Variants in FRYL observed in about 807,000 individuals in gnomAD.
FRYL encodes protein furry homolog-like.
Under a neutral mutation model 351.2 loss-of-function variants are expected in FRYL, and 150 were observed. The observed-to-expected ratio is 0.43, with a 90% CI of 0.37 to 0.49. The LOEUF is 0.49. Ranked by LOEUF, FRYL falls within the 20% of genes least tolerant of loss-of-function variation. The pLI is 0.00. For synonymous variants in FRYL, 1,153 were observed against 1,257.1 expected (o/e 0.92, Z 1.75); for missense variants, 3,036 against 3,619.3 (o/e 0.84, Z 4.13).
chr4:48,563,883 CA>C (rs2149069024), intron 31 of FRYL, 64 bp downstream of exon 31: 1 of 1,541,220 alleles, frequency 6.5e-7, no homozygotes, highest in Non-Finnish European at 8.8e-7. Context: ...TTTTTGAATT[CA>C]AAAGAAAAAC....
chr4:48,580,557 A>G (rs1416072805), intron 22 of FRYL: 2 of 313,298 alleles, frequency 6.4e-6, no homozygotes, highest in South Asian at 1.4e-4. Context: ...CACGAATATT[A>G]TATGCCATAA....
Position 48,514,367 on chromosome 4 carries a change from GAATT to G in FRYL, c.7937+657_7937+660del, listed in dbSNP as rs138720764. 5.0e-3 allele frequency among the ~76,000 whole-genome samples: 753 copies of G among 152,104 alleles called. 3 individuals are homozygous for G. Among genetic ancestry groups the G allele is most frequent in the African/African-American group, 0.017 (721 of 41,502 alleles). ...TTCTATTATAATTCTAAGTGTTAAA[GAATT>G]ATTTGGTTTAAGAGTTTCGTAACAG... On this transcript the variant is annotated intron_variant, in intron 56 of 63. Transcript: ENST00000358350.
chr4:48,712,769 C>CG (rs1768248901), intron 1 of FRYL, among the ~76,000 whole-genome samples: 1 of 152,050 alleles, frequency 6.6e-6, no homozygotes, highest in Non-Finnish European at 1.5e-5. Context: ...CTCCAAGACA[C>CG]ATAATTGTCA....
chr4:48,671,858 C>CAAAACAAAAAAAAAAAAA (rs1762753377), intron 3 of FRYL, among the ~76,000 whole-genome samples: 1 of 22,398 alleles, frequency 4.5e-5, no homozygotes, highest in African/African-American at 1.3e-4. Flanking sequence ...GTCTCAAAAA[C>CAAAACAAAAAAAAAAAAA]AAAAAAAAAA....
chr4:48,703,170 G>T (rs1766953080), intron 2 of FRYL, among the ~76,000 whole-genome samples: 2 of 152,164 alleles, frequency 1.3e-5, no homozygotes, highest in South Asian at 4.1e-4. Context: ...GAAGTGATAT[G>T]AACAGACTGT....
chr4:48,526,365 A>T (rs576765148), intron 53 of FRYL, among the ~76,000 whole-genome samples: 7 of 152,230 alleles, frequency 4.6e-5, no homozygotes, highest in African/African-American at 1.4e-4. Context: ...AACTGAGCTC[A>T]GCTACAGAAA....
chr4:48,681,049 G>C, intron 3 of FRYL: 6 of 1,285,954 alleles, frequency 4.7e-6, no homozygotes, highest in Non-Finnish European at 6.1e-6. Context: ...TAATCTTGGG[G>C]AACTTTCCTC....
chr4:48,651,213 C>CGTGTGTGTGTGTGTGT (rs10604700), intron 3 of FRYL, among the ~76,000 whole-genome samples: 10 of 104,962 alleles, frequency 9.5e-5, no homozygotes, highest in African/African-American at 3.8e-4. Context: ...CCACATGCAC[C>CGTGTGTGTGTGTGTGT]GTGTGTGTGT....
At chr4:48,769,706 T>C (rs1190780004) in intron 1 of FRYL, among the ~76,000 whole-genome samples, 4 of 152,222 alleles carry the variant, frequency 2.6e-5, no homozygotes, top group Admixed American at 1.3e-4. Flanking sequence ...AGTTAAACTA[T>C]GTACTCTGCT....
intron 1 of FRYL, among the ~76,000 whole-genome samples, chr4:48,716,141 C>T (rs1578815273): frequency 6.6e-6 from 1 of 152,228 alleles, no homozygotes; most frequent in South Asian, 2.1e-4. Context: ...GGATTAAAGA[C>T]TTAAACGTTA....
intron 2 of FRYL, among the ~76,000 whole-genome samples, chr4:48,695,350 T>C (rs1355636190): frequency 6.6e-6 from 1 of 152,192 alleles, no homozygotes; most frequent in Non-Finnish European, 1.5e-5. Flanking sequence ...ACTGATAATG[T>C]GCAAACTACG....
At position 48,531,163 on chromosome 4, in the gene FRYL, A is replaced by G; in HGVS notation, c.6896T>C (p.Ile2299Thr). 5 of 1,579,704 alleles carry G rather than the reference A, an allele frequency of 3.2e-6. No individual in the cohort carries two copies. The highest frequency in any genetic ancestry group is 4.3e-6 in the Non-Finnish European group (5 of 1,149,890). Residue 2299 changes from isoleucine (I) to threonine (T), a missense_variant, in exon 50 of 64, where the codon ATA becomes ACA. Around this residue, in one of 7 missense-constraint regions of FRYL, gnomAD observed 1,987 missense variants for 2,311.7 expected, o/e 0.86. Coordinates refer to ENST00000358350, the MANE Select transcript of FRYL (RefSeq NM_015030.2). ...PGKTLDFHFD[I>T]SETPIIGNKY... ...AATTTCTGAGCATCTTACCTCAGAT[A>G]TATCAAAATGAAAATCTAAGGTCTT...
At chr4:48,583,156 C>CTT (rs879326339) in intron 19 of FRYL, among the ~76,000 whole-genome samples, 1 of 144,898 alleles carries the variant, frequency 6.9e-6, no homozygotes, top group Non-Finnish European at 1.5e-5. Context: ...CTCAATCATT[C>CTT]TTTTTTTTTT....
In FRYL at chr4:48,565,050, A is replaced by G. The variant is rs1257488760; in HGVS notation, c.3331-7T>C. ...ACAGTACAGCAGACATAGCCTTCAA[A>G]TAATAATATTAGAATTACATTTAAC... On this transcript the variant is annotated splice_region_variant and splice_polypyrimidine_tract_variant and intron_variant, in intron 29 of 63. Coordinates refer to ENST00000358350, the MANE Select transcript of FRYL (RefSeq NM_015030.2). 13 of 1,468,404 alleles carry G rather than the reference A, an allele frequency of 8.9e-6. No individual in the cohort carries two copies. The highest frequency in any genetic ancestry group is 1.8e-4 in the Middle Eastern group (1 of 5,664). 91.0% of individuals were successfully genotyped at this position (1,468,404 alleles called of 1,614,324 possible).
chr4:48,506,000 A>C (rs545499089), intron 59 of FRYL: 2 of 162,612 alleles, frequency 1.2e-5, no homozygotes, highest in African/African-American at 4.8e-5. Context: ...AATTTAATAA[A>C]GACAACTTAG....
chr4:48,764,537 AAAG>A (rs1231787520), intron 1 of FRYL, among the ~76,000 whole-genome samples: 2 of 132,666 alleles, frequency 1.5e-5, no homozygotes, highest in Admixed American at 7.7e-5. Flanking sequence ...TTTCAAAAAA[AAAG>A]AAAAGAAAAG....
chr4:48,614,486 C>T (rs528694947), intron 7 of FRYL, among the ~76,000 whole-genome samples: 20 of 152,142 alleles, frequency 1.3e-4, no homozygotes, highest in African/African-American at 4.6e-4. Flanking sequence ...CTTTGGGAGG[C>T]CAAGGCAAGC....
intron 3 of FRYL, among the ~76,000 whole-genome samples, chr4:48,644,170 G>A (rs190596490): frequency 3.3e-5 from 5 of 151,980 alleles, no homozygotes; most frequent in East Asian, 1.9e-4. Flanking sequence ...TCGAACTCCC[G>A]ACCTCAGGTG....
intron 3 of FRYL, among the ~76,000 whole-genome samples, chr4:48,663,770 G>A (rs1418273198): frequency 8.8e-5 from 3 of 34,172 alleles, no homozygotes; most frequent in East Asian, 1.9e-3. Flanking sequence ...GCGAGACTCC[G>A]TCTCAAAAAA....
Sources: gnomAD v4.1 joint callset for allele counts (sites outside exome capture counted in the v4.1 genomes callset) on GRCh38, gnomAD v4.1.1 for gene constraint, gnomAD v4.1.1 regional missense constraint, MANE v1.5 for transcripts, NCBI Gene and HGNC (gene_info 2026-07-23, HGNC 2026-07-21) for gene names.